The following RANBP2 variants were observed in gnomAD, a reference collection of about 807,000 sequenced individuals.
The protein encoded by RANBP2 is RAN binding protein 2.
RANBP2 carries 57 observed loss-of-function variants against 303.6 expected under a neutral mutation model. The observed-to-expected ratio is 0.19, with a 90% CI of 0.15 to 0.23. The LOEUF is 0.23. Ranked by LOEUF, RANBP2 falls within the 10% of genes least tolerant of loss-of-function variation. RANBP2 has a pLI of 1.00. For missense variants in RANBP2, 3,138 were observed against 3,780.8 expected (o/e 0.83, Z 4.46); for synonymous variants, 1,167 against 1,301.5 (o/e 0.90, Z 2.23).
chr2:109,413,352 G>C, the RANBP2 span, among the ~76,000 whole-genome samples: 1 of 152,192 alleles, frequency 6.6e-6, no homozygotes, highest in African/African-American at 2.4e-5. Context: ...GACCTCAGGT[G>C]ATCTGCTTGC....
At chr2:109,272,316 G>A in the RANBP2 span, among the ~76,000 whole-genome samples, 1 of 152,206 alleles carries the variant, frequency 6.6e-6, no homozygotes, top group Non-Finnish European at 1.5e-5. Context: ...CATCCCCTGA[G>A]GGTACCTCTG....
At chr2:108,936,898 C>G in the RANBP2 span, among the ~76,000 whole-genome samples, 3 of 152,234 alleles carry the variant, frequency 2.0e-5, no homozygotes, top group East Asian at 1.9e-4. Flanking sequence ...GTCCTGCTGG[C>G]CTTGCCAGCC....
the RANBP2 span, among the ~76,000 whole-genome samples, chr2:109,515,130 G>C: frequency 6.6e-6 from 1 of 152,212 alleles, no homozygotes; most frequent in African/African-American, 2.4e-5. Flanking sequence ...TGTGGGTCCA[G>C]GTCTGCACTC....
At chr2:108,941,215 A>C in the RANBP2 span, among the ~76,000 whole-genome samples, 1 of 152,138 alleles carries the variant, frequency 6.6e-6, no homozygotes, top group Non-Finnish European at 1.5e-5. Flanking sequence ...CGTAAACCAC[A>C]ATGTTTCTCC....
the RANBP2 span, among the ~76,000 whole-genome samples, chr2:109,256,709 G>A: frequency 1.3e-5 from 2 of 152,142 alleles, no homozygotes; most frequent in Non-Finnish European, 2.9e-5. Context: ...TCTTCCTTGT[G>A]TGGAGTTAAC....
chr2:109,334,568 G>A, the RANBP2 span, among the ~76,000 whole-genome samples: 7 of 152,126 alleles, frequency 4.6e-5, no homozygotes, highest in South Asian at 4.1e-4. Context: ...CCGCTCCGGG[G>A]ATGCCAGGGA....
the RANBP2 span, chr2:109,371,576 G>C: frequency 6.2e-7 from 1 of 1,613,408 alleles, no homozygotes; most frequent in Non-Finnish European, 8.5e-7. Flanking sequence ...CGGTGGACCC[G>C]GAACTGCAGG....
chr2:109,371,267 G>C, the RANBP2 span, among the ~76,000 whole-genome samples: 1 of 152,254 alleles, frequency 6.6e-6, no homozygotes, highest in East Asian at 1.9e-4. Flanking sequence ...GCACACGCCT[G>C]TAATCCCAGC....
At chr2:109,291,471 C>T in the RANBP2 span, among the ~76,000 whole-genome samples, 76 of 152,242 alleles carry the variant, frequency 5.0e-4, no homozygotes, top group African/African-American at 1.7e-3. Context: ...CCAGGAGGAC[C>T]GGGCTCAGGG....
chr2:109,166,338 G>A, the RANBP2 span, among the ~76,000 whole-genome samples: 2 of 152,052 alleles, frequency 1.3e-5, no homozygotes, highest in Non-Finnish European at 2.9e-5. Flanking sequence ...TTAGCCGAGT[G>A]TGGTGGTGTG....
chr2:109,467,349 C>T, the RANBP2 span, among the ~76,000 whole-genome samples: 6 of 152,208 alleles, frequency 3.9e-5, no homozygotes, highest in African/African-American at 7.2e-5. Context: ...GGAAGGGAAG[C>T]GCAAAATCGG....
Position 108,735,718 on chromosome 2 carries a change from C to G in RANBP2, c.592C>G (p.Arg198Gly). The change falls in exon 5 of 29, where the codon CGT becomes GGT. Residue 198 changes from arginine to glycine, a missense_variant. Arg to Gly is a moderately radical substitution (Grantham distance 125). Around this residue, in one of 20 missense-constraint regions of RANBP2, gnomAD observed 306 missense variants for 381.9 expected, o/e 0.80. Coordinates refer to ENST00000283195, the MANE Select transcript of RANBP2 (RefSeq NM_006267.5). ...TGAGGCAGAGAGGAACATAGCTTTG[C>G]GTTCAAGTTTAGAATGGAATTCGTG... ...CHEAERNIAL[R>G]SSLEWNSCVV... 6.3e-7 allele frequency: 1 copy of G among 1,597,534 alleles called. No homozygotes were observed.
At chr2:109,047,442 T>C in the RANBP2 span, among the ~76,000 whole-genome samples, 1 of 152,198 alleles carries the variant, frequency 6.6e-6, no homozygotes, top group Non-Finnish European at 1.5e-5. Context: ...CTCAGCCTAA[T>C]AGGATGGGCT....
chr2:109,724,261 G>A, the RANBP2 span, among the ~76,000 whole-genome samples: 1 of 152,064 alleles, frequency 6.6e-6, no homozygotes, highest in Non-Finnish European at 1.5e-5. Flanking sequence ...GCTCCTTTTT[G>A]GTTCCATATG....
At chr2:108,794,524 G>A in the RANBP2 span, 59 of 1,586,250 alleles carry the variant, frequency 3.7e-5, 1 homozygote, top group South Asian at 6.3e-4. Context: ...TAATGCAAAT[G>A]TTATTTTCTT....
the RANBP2 span, among the ~76,000 whole-genome samples, chr2:108,868,105 C>T: frequency 3.3e-5 from 5 of 152,142 alleles, no homozygotes; most frequent in Non-Finnish European, 7.4e-5. Flanking sequence ...TTGTTGACAG[C>T]ATGTACTTTT....
the RANBP2 span, among the ~76,000 whole-genome samples, chr2:109,419,057 C>T: frequency 6.6e-6 from 1 of 152,162 alleles, no homozygotes; most frequent in African/African-American, 2.4e-5. Context: ...GAGGGGGGCA[C>T]CCTGTGACTC....
the RANBP2 span, among the ~76,000 whole-genome samples, chr2:109,362,004 CTTT>C: frequency 6.6e-6 from 1 of 151,956 alleles, no homozygotes; most frequent in South Asian, 2.1e-4. Context: ...TTTTATTGAT[CTTT>C]TTAAAGATTA....
the RANBP2 span, among the ~76,000 whole-genome samples, chr2:109,473,216 T>C: frequency 2.0e-5 from 3 of 152,230 alleles, no homozygotes; most frequent in African/African-American, 7.2e-5. Context: ...TACGAGCGCC[T>C]CACACAGGCC....
Sources: allele counts gnomAD v4.1 joint callset (sites outside exome capture counted in the v4.1 genomes callset), GRCh38; gene constraint gnomAD v4.1.1; regional missense constraint gnomAD v4.1.1; transcripts MANE v1.5; gene names NCBI Gene and HGNC (gene_info 2026-07-23, HGNC 2026-07-21).